APLF: variants seen among roughly 807,000 people sequenced by gnomAD.
APLF encodes aprataxin and PNK-like factor.
A neutral mutation model predicts 55.6 loss-of-function variants in APLF; 61 were observed. The ratio of observed to expected loss-of-function variants is 1.10; its 90% CI spans 0.89 to 1.36. APLF has a LOEUF of 1.36. Ranked by LOEUF, APLF falls within the 40% of genes most tolerant of loss-of-function variation. The pLI is 0.00. For synonymous variants in APLF, 207 were observed against 214.8 expected, an observed-to-expected ratio of 0.96 and a Z score of 0.32; for missense variants, 611 against 602.5, an observed-to-expected ratio of 1.01 and a Z score of -0.15.
chr2:68,572,840 A>G (rs1671506037), intron 9 of APLF, among the ~76,000 whole-genome samples: 1 of 122,532 alleles, frequency 8.2e-6, no homozygotes, highest in Admixed American at 7.6e-5. Flanking sequence ...CTCTGTCTCA[A>G]CAAAACAAAA....
intron 7 of APLF, among the ~76,000 whole-genome samples, chr2:68,544,903 C>CAT (rs1573244984): frequency 6.6e-6 from 1 of 151,960 alleles, no homozygotes; most frequent in East Asian, 1.9e-4. Flanking sequence ...ACATATGTGT[C>CAT]ATATATATAG....
At chr2:68,562,290 T>G (rs920046824) in intron 8 of APLF, among the ~76,000 whole-genome samples, 1 of 152,160 alleles carries the variant, frequency 6.6e-6, no homozygotes, top group Middle Eastern at 3.4e-3. Context: ...TGAAAACTTA[T>G]GTGTAAGCTT....
intron 6 of APLF, among the ~76,000 whole-genome samples, chr2:68,526,862 GT>G (rs1449697327): frequency 6.6e-6 from 1 of 152,090 alleles, no homozygotes; most frequent in Non-Finnish European, 1.5e-5. Flanking sequence ...TAATTTTTGT[GT>G]TTTCAGTAGA....
At chr2:68,540,658 C>T (rs1203443781) in intron 7 of APLF, among the ~76,000 whole-genome samples, 1 of 152,164 alleles carries the variant, frequency 6.6e-6, no homozygotes, top group African/African-American at 2.4e-5. Context: ...TTCTCCACAT[C>T]CTCTCTAGCA....
At chr2:68,553,043 G>A (rs547587292) in intron 8 of APLF, among the ~76,000 whole-genome samples, 17 of 152,190 alleles carry the variant, frequency 1.1e-4, no homozygotes, top group African/African-American at 4.1e-4. Context: ...TAAATGAGCT[G>A]TGTAAGACCC....
At chr2:68,514,903 CA>C (rs1328807410) in intron 5 of APLF, among the ~76,000 whole-genome samples, 1 of 151,794 alleles carries the variant, frequency 6.6e-6, no homozygotes, top group Non-Finnish European at 1.5e-5. Flanking sequence ...CCTGAATTTA[CA>C]ATGATTTTAT....
chr2:68,559,127 T>C (rs1243103323), intron 8 of APLF, among the ~76,000 whole-genome samples: 1 of 152,166 alleles, frequency 6.6e-6, no homozygotes, highest in Non-Finnish European at 1.5e-5. Flanking sequence ...CATCAGCTAG[T>C]TGATTTTCCT....
chr2:68,490,946 CT>C (rs1239778330), intron 2 of APLF, among the ~76,000 whole-genome samples: 2 of 152,102 alleles, frequency 1.3e-5, no homozygotes, highest in Non-Finnish European at 2.9e-5. Context: ...TAATTTATAA[CT>C]TTTTAAAACC....
intron 5 of APLF, among the ~76,000 whole-genome samples, chr2:68,514,461 G>A (rs1237735128): frequency 1.3e-5 from 2 of 151,732 alleles, no homozygotes; most frequent in Admixed American, 1.3e-4. Flanking sequence ...AATTTGGCTG[G>A]ATTCAGAGCC....
chr2:68,575,263 A>C (rs1463914094), intron 9 of APLF, among the ~76,000 whole-genome samples: 1 of 152,190 alleles, frequency 6.6e-6, no homozygotes, highest in Non-Finnish European at 1.5e-5. Flanking sequence ...GTTGGGAATC[A>C]TGAATTTAAA....
At chr2:68,519,011 T>C (rs1183240632) in intron 5 of APLF, among the ~76,000 whole-genome samples, 82 of 123,928 alleles carry the variant, frequency 6.6e-4, no homozygotes, top group African/African-American at 2.5e-3. Flanking sequence ...ATTATTAATA[T>C]ATAATAATAT....
chr2:68,517,941 G>C (rs903882290), intron 5 of APLF, among the ~76,000 whole-genome samples: 2 of 140,988 alleles, frequency 1.4e-5, no homozygotes, highest in Non-Finnish European at 3.0e-5. Flanking sequence ...ATATATAACC[G>C]TAATATATCA....
intron 8 of APLF, among the ~76,000 whole-genome samples, chr2:68,558,575 T>C (rs1469765878): frequency 6.6e-6 from 1 of 152,218 alleles, no homozygotes; most frequent in Non-Finnish European, 1.5e-5. Flanking sequence ...ATATTGAGCA[T>C]CTAAAATGTT....
intron 6 of APLF, among the ~76,000 whole-genome samples, chr2:68,527,975 C>G (rs1670124668): frequency 1.3e-5 from 2 of 150,488 alleles, no homozygotes; most frequent in African/African-American, 4.9e-5. Context: ...ACTTCTCAGA[C>G]TGTGAGGCGG....
intron 8 of APLF, among the ~76,000 whole-genome samples, chr2:68,552,383 T>C (rs1670891743): frequency 6.6e-6 from 1 of 151,284 alleles, no homozygotes; most frequent in Non-Finnish European, 1.5e-5. Flanking sequence ...GTTTCTCCAC[T>C]TGGTTTAAAT....
chr2:68,553,558 GT>G lies in APLF; in HGVS notation c.1286+8249del, dbSNP rs555053017. The stretch of plus-strand genomic sequence containing the variant: ...CAGAATTATAAAATGTACTAATTTA[GT>G]TTGCTTAAAAGTGAGTTTTCATGCA... On this transcript the variant is annotated intron_variant, in intron 8 of 9. Transcript: ENST00000303795. Among the ~76,000 whole-genome samples, 69 of 152,138 alleles carry G rather than the reference GT, an allele frequency of 4.5e-4. No homozygotes were observed. In the South Asian group the frequency reaches 5.0e-3, roughly 11 times the overall value.
intron 1 of APLF, among the ~76,000 whole-genome samples, chr2:68,485,715 C>A (rs1676142834): frequency 6.6e-6 from 1 of 151,902 alleles, no homozygotes; most frequent in African/African-American, 2.4e-5. Flanking sequence ...TAAAGAAATG[C>A]ATCTCTCCCA....
intron 5 of APLF, among the ~76,000 whole-genome samples, chr2:68,519,550 A>C (rs564500119): frequency 6.7e-6 from 1 of 150,078 alleles, no homozygotes; most frequent in East Asian, 1.9e-4. Flanking sequence ...AAATTATTCT[A>C]CTGAGGGAAA....
Position 68,579,884 on chromosome 2 carries a change from TA to T in APLF, c.*1865del. Reference sequence around the variant, plus strand: ...TGGCAGTGATGGTTGCACAACTCTGTAAATATATTACAAACAATGCATTGTA... The same window carrying T: ...TGGCAGTGATGGTTGCACAACTCTGTAATATATTACAAACAATGCATTGTA... On this transcript the variant is annotated 3_prime_UTR_variant, in exon 10 of 10. Transcript: ENST00000303795. 5.2e-6 allele frequency: 2 copies of T among 387,936 alleles called. No homozygotes were observed. Among genetic ancestry groups the T allele is most frequent in the Non-Finnish European group, 7.0e-6 (2 of 283,850 alleles). 24.0% of individuals were successfully genotyped at this position (387,936 alleles called of 1,614,324 possible).
Sources: gnomAD v4.1 joint callset for allele counts (sites outside exome capture counted in the v4.1 genomes callset) on GRCh38, gnomAD v4.1.1 for gene constraint, MANE v1.5 for transcripts, NCBI Gene and HGNC (gene_info 2026-07-23, HGNC 2026-07-21) for gene names.